Variants in GRHL2 observed in about 807,000 individuals in gnomAD.
The protein encoded by GRHL2 is grainyhead-like protein 2 homolog.
In GRHL2, 21 loss-of-function variants were observed where a neutral mutation model predicts 83.8. The observed-to-expected ratio is 0.25, with a 90% CI of 0.18 to 0.36. The LOEUF (loss-of-function observed/expected upper bound fraction) is 0.36, where lower values mean the gene tolerates loss of function less well. Ranked by LOEUF, GRHL2 falls within the 10% of genes least tolerant of loss-of-function variation. The pLI, the probability that GRHL2 is intolerant of heterozygous loss-of-function variation, is 1.00. For missense variants in GRHL2, 623 were observed against 781.8 expected (o/e 0.80, Z 2.42); for synonymous variants, 280 against 278.9 (o/e 1.00, Z -0.04).
intron 8 of GRHL2, among the ~76,000 whole-genome samples, chr8:101,616,327 T>C (rs1233585270): frequency 1.3e-5 from 2 of 151,866 alleles, no homozygotes; most frequent in Non-Finnish European, 2.9e-5. Context: ...CCCACCACCA[T>C]ACCCAGCTAA....
chr8:101,521,231 G>A (rs549885202), intron 1 of GRHL2, among the ~76,000 whole-genome samples: 1 of 152,266 alleles, frequency 6.6e-6, no homozygotes, highest in South Asian at 2.1e-4. Flanking sequence ...ATGGGGTGGG[G>A]GTGAGGGTCT....
chr8:101,527,171 G>A (rs921049709), intron 1 of GRHL2, among the ~76,000 whole-genome samples: 8 of 152,026 alleles, frequency 5.3e-5, no homozygotes, highest in African/African-American at 2.4e-5. Context: ...ATTTCTCTAG[G>A]TGTCTGCACA....
intron 7 of GRHL2, among the ~76,000 whole-genome samples, chr8:101,584,790 G>A (rs917238883): frequency 6.6e-6 from 1 of 151,844 alleles, no homozygotes; most frequent in African/African-American, 2.4e-5. Context: ...CAGGTAGCCA[G>A]GTGGCTAGGT....
At chr8:101,524,222 T>A (rs1051280097) in intron 1 of GRHL2, among the ~76,000 whole-genome samples, 9 of 152,226 alleles carry the variant, frequency 5.9e-5, no homozygotes, top group African/African-American at 2.2e-4. Context: ...AATTGTCACA[T>A]CTAAAATTGT....
chr8:101,676,236 T>C, the GRHL2 span, among the ~76,000 whole-genome samples: 1 of 151,964 alleles, frequency 6.6e-6, no homozygotes, highest in African/African-American at 2.4e-5. Flanking sequence ...AAAGAGCTTC[T>C]GCACAGCAAA....
chr8:101,652,340 TATGTGTGTG>T (rs1317862383), intron 14 of GRHL2, among the ~76,000 whole-genome samples: 1,507 of 77,232 alleles, frequency 0.02, 88 homozygotes, highest in African/African-American at 0.078. Context: ...GGTGTGTGTG[TATGTGTGTG>T]GTGTGTGTGG....
chr8:101,656,561 A>G (rs552800009), intron 14 of GRHL2, among the ~76,000 whole-genome samples: 2 of 152,214 alleles, frequency 1.3e-5, no homozygotes, highest in Non-Finnish European at 2.9e-5. Flanking sequence ...CACCACATCT[A>G]AAGAGATCAG....
the GRHL2 span, among the ~76,000 whole-genome samples, chr8:101,678,877 A>C: frequency 2.8e-5 from 4 of 144,742 alleles, no homozygotes; most frequent in African/African-American, 1.0e-4. Flanking sequence ...GTCTGTTAGA[A>C]GGAAAACTAA....
rs1813459701 is a variant in GRHL2 at position 101,644,129 on chromosome 8, A to C, written c.1518-2A>C. 1 of 1,613,248 alleles carries C rather than the reference A, an allele frequency of 6.2e-7. No homozygotes were observed. Among genetic ancestry groups the C allele is most frequent in the African/African-American group, 1.3e-5 (1 of 74,912 alleles). The stretch of plus-strand genomic sequence containing the variant: ...TTAAGGATTTCTGCTTATCTTTTCT[A>C]GTGGCAGTGTCCTTGTTAAACGGAT... On this transcript the variant is annotated splice_acceptor_variant, in intron 12 of 15. Transcript: ENST00000646743. LOFTEE classifies it high-confidence loss of function.
At chr8:101,566,282 T>C (rs1811715733) in intron 4 of GRHL2, among the ~76,000 whole-genome samples, 1 of 152,148 alleles carries the variant, frequency 6.6e-6, no homozygotes, top group African/African-American at 2.4e-5. Context: ...CTATATGTAG[T>C]CAAAGTTGAT....
chr8:101,547,234 GT>G (rs10531952), intron 2 of GRHL2, among the ~76,000 whole-genome samples: 31,684 of 151,580 alleles, frequency 0.21, 3,718 homozygotes, highest in East Asian at 0.44. Flanking sequence ...ACAGCAGTCT[GT>G]TTTTTTTTTT....
intron 1 of GRHL2, 185 bp downstream of exon 1, chr8:101,492,974 C>T (rs929834282): frequency 9.2e-6 from 6 of 652,384 alleles, no homozygotes; most frequent in African/African-American, 7.3e-5. Flanking sequence ...AGAAACCCTA[C>T]AACAATGTGA....
chr8:101,494,530 A>G (rs1347333155), intron 1 of GRHL2, among the ~76,000 whole-genome samples: 1 of 152,130 alleles, frequency 6.6e-6, no homozygotes, highest in Non-Finnish European at 1.5e-5. Context: ...CTTCAAGGAA[A>G]CACGACTCGA....
chr8:101,528,058 C>G (rs1285292279), intron 1 of GRHL2, among the ~76,000 whole-genome samples: 1 of 152,120 alleles, frequency 6.6e-6, no homozygotes, highest in Non-Finnish European at 1.5e-5. Flanking sequence ...TGCCAATACT[C>G]AAGTTTTTTT....
At chr8:101,497,654 A>G (rs944229030) in intron 1 of GRHL2, among the ~76,000 whole-genome samples, 1 of 152,218 alleles carries the variant, frequency 6.6e-6, no homozygotes, top group African/African-American at 2.4e-5. Flanking sequence ...CAGATTCTCC[A>G]GGCGAGAGCA....
chr8:101,552,936 T>A (rs1811415249), intron 3 of GRHL2, among the ~76,000 whole-genome samples, 154 bp downstream of exon 3: 1 of 152,226 alleles, frequency 6.6e-6, no homozygotes, highest in African/African-American at 2.4e-5. Context: ...GATCTCTCAA[T>A]GAGGAGAGCA....
At chr8:101,662,247 A>G (rs532907894) in intron 14 of GRHL2, among the ~76,000 whole-genome samples, 1 of 152,098 alleles carries the variant, frequency 6.6e-6, no homozygotes, top group Non-Finnish European at 1.5e-5. Context: ...GTTGTTTTTC[A>G]TCCTTGGCTC....
At chr8:101,604,618 C>T (rs1269025273) in intron 8 of GRHL2, among the ~76,000 whole-genome samples, 3 of 152,012 alleles carry the variant, frequency 2.0e-5, no homozygotes, top group Admixed American at 6.6e-5. Flanking sequence ...ACTGGAACAC[C>T]GTAACAATTT....
At chr8:101,587,531 G>T (rs1812192981) in intron 7 of GRHL2, among the ~76,000 whole-genome samples, 1 of 152,136 alleles carries the variant, frequency 6.6e-6, no homozygotes, top group African/African-American at 2.4e-5. Flanking sequence ...TGGACATTGA[G>T]TTGTTTTTCC....
Sources: gnomAD v4.1 joint callset for allele counts (sites outside exome capture counted in the v4.1 genomes callset) on GRCh38, gnomAD v4.1.1 for gene constraint, MANE v1.5 for transcripts, NCBI Gene and HGNC (gene_info 2026-07-23, HGNC 2026-07-21) for gene names.